SPOCK1: variants seen among roughly 807,000 people sequenced by gnomAD.
SPOCK1 encodes SPARC (osteonectin), cwcv and kazal like domains proteoglycan 1, also known as testican-1.
A neutral mutation model predicts 55.3 loss-of-function variants in SPOCK1; 23 were observed. The ratio of observed to expected loss-of-function variants is 0.42; its 90% CI spans 0.30 to 0.59. The LOEUF (loss-of-function observed/expected upper bound fraction) is 0.59. Ranked by LOEUF, SPOCK1 falls within the 20% of genes least tolerant of loss-of-function variation. SPOCK1 has a pLI of 0.22. For synonymous variants in SPOCK1, 226 were observed against 221.0 expected, an observed-to-expected ratio of 1.02 and a Z score of -0.20; for missense variants, 499 against 552.5, an observed-to-expected ratio of 0.90 and a Z score of 0.97.
intron 3 of SPOCK1, among the ~76,000 whole-genome samples, chr5:137,233,256 C>T (rs371164610): frequency 6.6e-6 from 1 of 152,188 alleles, no homozygotes; most frequent in South Asian, 2.1e-4. Context: ...CTCACCATAA[C>T]ATAGAATCAG....
At chr5:137,338,011 T>C (rs1346196450) in intron 2 of SPOCK1, among the ~76,000 whole-genome samples, 1 of 152,176 alleles carries the variant, frequency 6.6e-6, no homozygotes, top group Non-Finnish European at 1.5e-5. Context: ...GTGACACTCC[T>C]CTGTATTATT....
At chr5:137,161,900 G>A (rs974186103) in intron 3 of SPOCK1, among the ~76,000 whole-genome samples, 11 of 152,000 alleles carry the variant, frequency 7.2e-5, no homozygotes, top group African/African-American at 2.4e-4. Flanking sequence ...TCATATTCTG[G>A]GTAAGATCTA....
At chr5:137,094,604 C>T (rs976330598) in intron 5 of SPOCK1, among the ~76,000 whole-genome samples, 1 of 152,194 alleles carries the variant, frequency 6.6e-6, no homozygotes, top group Non-Finnish European at 1.5e-5. Flanking sequence ...TCACCTGAGC[C>T]TTCAGAAAGT....
chr5:137,172,271 A>G (rs1754767410), intron 3 of SPOCK1, among the ~76,000 whole-genome samples: 1 of 152,200 alleles, frequency 6.6e-6, no homozygotes, highest in Non-Finnish European at 1.5e-5. Context: ...TGAAAACGCC[A>G]GTACTTTCCT....
chr5:136,999,427 C>A (rs1751107158), intron 6 of SPOCK1, among the ~76,000 whole-genome samples: 1 of 152,128 alleles, frequency 6.6e-6, no homozygotes, highest in Admixed American at 6.5e-5. Context: ...CAGACAAAAC[C>A]AGGGGCTAGT....
intron 2 of SPOCK1, among the ~76,000 whole-genome samples, chr5:137,404,962 G>A (rs1490414109): frequency 1.3e-5 from 2 of 152,164 alleles, no homozygotes; most frequent in Admixed American, 1.3e-4. Flanking sequence ...GGCTGCCAAT[G>A]CAGCAAACAT....
chr5:137,286,013 G>A (rs1444084142), intron 2 of SPOCK1, among the ~76,000 whole-genome samples: 1 of 152,188 alleles, frequency 6.6e-6, no homozygotes, highest in South Asian at 2.1e-4. Context: ...CTCAGCTGGA[G>A]CAGGCCTGTA....
chr5:137,101,435 T>A (rs1753263155), intron 5 of SPOCK1, among the ~76,000 whole-genome samples: 2 of 152,258 alleles, frequency 1.3e-5, no homozygotes, highest in Non-Finnish European at 2.9e-5. Context: ...CAAGAAGGTA[T>A]TCTTCCTAAT....
rs185499522 is a variant in SPOCK1 at position 137,315,280 on chromosome 5, C to T, written c.187-48225G>A. ...TTTCATATTCCATGGGGCTGTACTCCATGGAACTGTAATTCTCTCTCCATC... is the reference window on the plus strand; with the variant it reads ...TTTCATATTCCATGGGGCTGTACTCTATGGAACTGTAATTCTCTCTCCATC... On this transcript the variant is annotated intron_variant, in intron 2 of 10. Transcript: ENST00000394945. Among the ~76,000 whole-genome samples, 175 of 152,316 alleles carry T rather than the reference C, an allele frequency of 1.1e-3. 1 individual carries two copies. Among genetic ancestry groups the T allele is most frequent in the Non-Finnish European group, 2.0e-3 (133 of 68,036 alleles).
At chr5:137,321,960 T>A (rs563960681) in intron 2 of SPOCK1, among the ~76,000 whole-genome samples, 2 of 152,130 alleles carry the variant, frequency 1.3e-5, no homozygotes, top group South Asian at 4.2e-4. Context: ...CTTTCCTAGA[T>A]AAACAAAAGC....
chr5:137,206,369 A>G (rs1001213539), intron 3 of SPOCK1, among the ~76,000 whole-genome samples: 1 of 152,240 alleles, frequency 6.6e-6, no homozygotes, highest in African/African-American at 2.4e-5. Context: ...TCACCTGCCT[A>G]TCTCTACCCA....
Position 137,313,471 on chromosome 5 carries a change from G to A in SPOCK1, c.187-46416C>T, listed in dbSNP as rs552878298. The stretch of plus-strand genomic sequence containing the variant: ...TCAGGAAATCATCAGGGCACAGGCC[G>A]GGCACCTGTGACACCCACCCAAAAC... On this transcript the variant is annotated intron_variant, in intron 2 of 10. Coordinates refer to ENST00000394945, the MANE Select transcript of SPOCK1 (RefSeq NM_004598.4). 4.5e-5 allele frequency: 44 copies of A among 985,414 alleles called. No homozygotes were observed. The African/African-American group carries it at 4.5e-4, about 10-fold the overall frequency. The allele number at this position is 985,414 out of a possible 1,614,324, so 61.0% of individuals were successfully genotyped here. A position where few individuals can be genotyped will look rare whatever the true frequency, so the allele number is the denominator to read the frequency against.
chr5:137,249,157 G>T (rs753338797), intron 3 of SPOCK1, among the ~76,000 whole-genome samples: 106 of 152,334 alleles, frequency 7.0e-4, no homozygotes, highest in Non-Finnish European at 1.4e-3. Flanking sequence ...GGACATTCAT[G>T]GCTCAGGCAA....
chr5:137,124,767 C>T (rs1362651366), intron 4 of SPOCK1, among the ~76,000 whole-genome samples: 1 of 152,222 alleles, frequency 6.6e-6, no homozygotes, highest in Non-Finnish European at 1.5e-5. Context: ...ATCCTCTCAC[C>T]ACCAAGGCCA....
At position 137,147,874 on chromosome 5, in the gene SPOCK1, T is replaced by C. The variant is rs2127056166; in HGVS notation, c.233-7180A>G. 2.0e-5 allele frequency among the ~76,000 whole-genome samples: 3 copies of C among 152,262 alleles called. No homozygotes were observed. In the South Asian group the frequency reaches 6.2e-4, roughly 32 times the overall value. Reference sequence around the variant, plus strand: ...GTAGATCTATATTTGGTAACATAGGTAGATATTTATGATAAATTAAGTGAA... The same window carrying C: ...GTAGATCTATATTTGGTAACATAGGCAGATATTTATGATAAATTAAGTGAA... On this transcript the variant is annotated intron_variant, in intron 3 of 10. Transcript: ENST00000394945.
intron 9 of SPOCK1, among the ~76,000 whole-genome samples, chr5:136,983,868 A>AAGGT (rs1244630559): frequency 3.9e-5 from 6 of 152,242 alleles, no homozygotes; most frequent in South Asian, 2.1e-4. Flanking sequence ...TTTTAACAGA[A>AAGGT]AGGTAGGCAT....
At chr5:137,210,670 G>C (rs1388321316) in intron 3 of SPOCK1, among the ~76,000 whole-genome samples, 1 of 152,184 alleles carries the variant, frequency 6.6e-6, no homozygotes, top group African/African-American at 2.4e-5. Context: ...GTGAGTCCCA[G>C]AGCTGTCATT....
intron 9 of SPOCK1, among the ~76,000 whole-genome samples, chr5:136,983,104 A>T (rs1046445715): frequency 1.3e-5 from 2 of 152,200 alleles, no homozygotes; most frequent in South Asian, 4.1e-4. Flanking sequence ...AACACCATCT[A>T]CATCAGCCTC....
At chr5:137,226,419 A>G (rs1421854249) in intron 3 of SPOCK1, among the ~76,000 whole-genome samples, 1 of 152,186 alleles carries the variant, frequency 6.6e-6, no homozygotes, top group African/African-American at 2.4e-5. Context: ...AGGCATCCAC[A>G]TTTATTCTCA....
Sources: gnomAD v4.1 joint callset for allele counts (sites outside exome capture counted in the v4.1 genomes callset) on GRCh38, gnomAD v4.1.1 for gene constraint, MANE v1.5 for transcripts, NCBI Gene and HGNC (gene_info 2026-07-23, HGNC 2026-07-21) for gene names.